The following GNAO1 variants were observed in gnomAD, a reference collection of about 807,000 sequenced individuals.
GNAO1 encodes the protein guanine nucleotide-binding protein G(o) subunit alpha.
For synonymous variants in GNAO1, 164 were observed against 180.7 expected, an observed-to-expected ratio of 0.91 and a Z score of 0.74; for missense variants, 166 against 478.7, an observed-to-expected ratio of 0.35 and a Z score of 6.10.
chr16:56,344,333 G>A, intron 6 of GNAO1: 2 of 1,078,506 alleles, frequency 1.9e-6, no homozygotes, highest in Non-Finnish European at 2.3e-6. Context: ...GGGCGCAGAT[G>A]GCCCTGCAGC....
rs1411255708 is a variant in GNAO1, at chr16:56,354,367, CAGT to C, written c.878-498_878-496del. 8.9e-5 allele frequency among the ~76,000 whole-genome samples: 13 copies of C among 145,454 alleles called. No homozygotes were observed. In the East Asian group the frequency reaches 2.5e-3, roughly 28 times the overall value. ...GGTGCAAAAGTAATTGCAGTAATTG[CAGT>C]TTTGCTATCAAAAGTAATGGCAAGG... On this transcript the variant is annotated intron_variant, in intron 7 of 8. Transcript: ENST00000262493. The surrounding 1 kb of genome is among the most constrained non-coding windows in gnomAD (Gnocchi z 4.3).
intron 6 of GNAO1, chr16:56,340,672 C>G (rs2037793367): frequency 1.5e-6 from 1 of 682,350 alleles, no homozygotes; most frequent in Non-Finnish European, 2.6e-6. Context: ...TCCCGTCTGT[C>G]CTTGTGGGTC....
At chr16:56,221,801 C>T (rs1250330057) in intron 2 of GNAO1, among the ~76,000 whole-genome samples, 5 of 151,954 alleles carry the variant, frequency 3.3e-5, no homozygotes, top group South Asian at 2.1e-4. Flanking sequence ...TTCTGGTCAT[C>T]GTCATCATTG....
At chr16:56,329,442 G>A (rs1417561420) in intron 4 of GNAO1, among the ~76,000 whole-genome samples, 3 of 152,186 alleles carry the variant, frequency 2.0e-5, no homozygotes, top group African/African-American at 7.2e-5. Flanking sequence ...GTTAGAAGGT[G>A]CTCCCGGCTC....
chr16:56,201,208 A>G (rs1300272988), intron 2 of GNAO1, among the ~76,000 whole-genome samples: 1 of 152,204 alleles, frequency 6.6e-6, no homozygotes, highest in Admixed American at 6.5e-5. Context: ...CTAGGCAGGA[A>G]GTTCAGGGAA....
chr16:56,247,363 TG>T (rs2036756687), intron 2 of GNAO1, among the ~76,000 whole-genome samples: 1 of 152,224 alleles, frequency 6.6e-6, no homozygotes, highest in African/African-American at 2.4e-5. Flanking sequence ...TTCCCAAAGC[TG>T]TACCCAATTT....
chr16:56,345,350 C>A, intron 6 of GNAO1: 1 of 985,602 alleles, frequency 1.0e-6, no homozygotes, highest in South Asian at 4.7e-5. Flanking sequence ...CTCCTCAAGC[C>A]CTCTGTTCTC....
At chr16:56,345,151 C>CG (rs2037852973) in intron 6 of GNAO1, 5 of 985,770 alleles carry the variant, frequency 5.1e-6, no homozygotes, top group Non-Finnish European at 6.0e-6. Context: ...TAGCTTCTCC[C>CG]GGTGACGGTG....
intron 3 of GNAO1, among the ~76,000 whole-genome samples, chr16:56,324,507 G>A (rs149473510): frequency 3.9e-5 from 6 of 152,236 alleles, no homozygotes; most frequent in Admixed American, 1.3e-4. Flanking sequence ...AAGATTGCCC[G>A]AGGTCAGCCA....
chr16:56,240,342 T>C (rs2036683239), intron 2 of GNAO1, among the ~76,000 whole-genome samples: 1 of 152,196 alleles, frequency 6.6e-6, no homozygotes. Context: ...TTCAGCTTAG[T>C]AGACTGTTAT....
intron 2 of GNAO1, among the ~76,000 whole-genome samples, chr16:56,198,749 T>C (rs1453302589): frequency 6.6e-6 from 1 of 152,228 alleles, no homozygotes; most frequent in Non-Finnish European, 1.5e-5. Flanking sequence ...TTCCTTTGAT[T>C]AGTGGGTGTT....
chr16:56,321,323 G>A (rs1306655472), intron 3 of GNAO1, among the ~76,000 whole-genome samples: 4 of 152,204 alleles, frequency 2.6e-5, no homozygotes, highest in East Asian at 1.9e-4. Flanking sequence ...GGCTGCAGGC[G>A]CAGCTGGATC....
intron 3 of GNAO1, among the ~76,000 whole-genome samples, chr16:56,290,753 A>G (rs551155103): frequency 4.3e-4 from 66 of 152,324 alleles, no homozygotes; most frequent in African/African-American, 1.5e-3. Flanking sequence ...CAAGGCACAG[A>G]GGCAAGCACC....
chr16:56,210,801 C>G (rs11645758), intron 2 of GNAO1, among the ~76,000 whole-genome samples: 21,316 of 152,162 alleles, frequency 0.14, 1,999 homozygotes, highest in African/African-American at 0.26. Flanking sequence ...AGAGTTCTTT[C>G]TATATTTTGG....
Position 56,191,951 on chromosome 16 carries a change from C to T in GNAO1, c.-285C>T. On this transcript the variant is annotated 5_prime_UTR_variant, in exon 1 of 9. Coordinates refer to ENST00000262493, the MANE Select transcript of GNAO1 (RefSeq NM_020988.3). This position sits in a 1 kb window ranked among gnomAD's most constrained non-coding sequence, Gnocchi z 4.7. ...CTGCAGTCCGCGCCTCCTCGGCCCG[C>T]GGGCGCCTCCTCCCTTGGCTCCGGA... 2.0e-6 allele frequency: 1 copy of T among 491,592 alleles called. No individual in the cohort carries two copies. The highest frequency in any genetic ancestry group is 3.6e-6 in the Non-Finnish European group (1 of 277,182). The allele number at this position is 491,592 out of a possible 1,614,324, so 30.5% of individuals were successfully genotyped here.
intron 2 of GNAO1, 70 bp from the exon 3 acceptor site, chr16:56,275,861 C>T: frequency 7.3e-7 from 1 of 1,378,484 alleles, no homozygotes; most frequent in Non-Finnish European, 9.7e-7. Context: ...CAGTGCGTCT[C>T]ATGCCTGTGC....
intron 4 of GNAO1, among the ~76,000 whole-genome samples, chr16:56,333,444 T>C (rs1187269150): frequency 6.6e-6 from 1 of 152,166 alleles, no homozygotes; most frequent in Non-Finnish European, 1.5e-5. Context: ...AATCCTGACC[T>C]CATGATCCGC....
intron 3 of GNAO1, among the ~76,000 whole-genome samples, chr16:56,318,578 T>TTGTG (rs145372923): frequency 2.0e-5 from 3 of 151,866 alleles, no homozygotes; most frequent in Non-Finnish European, 2.9e-5. Flanking sequence ...AGGACTGGGT[T>TTGTG]TGTGTGTGTG....
At chr16:56,318,009 AGTT>A (rs1236399418) in intron 3 of GNAO1, among the ~76,000 whole-genome samples, 1 of 152,192 alleles carries the variant, frequency 6.6e-6, no homozygotes, top group Non-Finnish European at 1.5e-5. Context: ...GCAGCACCCC[AGTT>A]GTTGCCACTA....
Sources: gnomAD v4.1 joint callset for allele counts (sites outside exome capture counted in the v4.1 genomes callset) on GRCh38, gnomAD v4.1.1 for gene constraint, Gnocchi (gnomAD v3.1) non-coding constraint, MANE v1.5 for transcripts, NCBI Gene and HGNC (gene_info 2026-07-23, HGNC 2026-07-21) for gene names.